Variants in RNF150 observed in about 807,000 individuals in gnomAD.
RNF150 encodes the protein ring finger protein 150.
A neutral mutation model predicts 39.3 loss-of-function variants in RNF150; 24 were observed. The observed-to-expected ratio is 0.61, with a 90% CI of 0.44 to 0.86. The LOEUF (loss-of-function observed/expected upper bound fraction) is 0.86, where lower values mean the gene tolerates loss of function less well. RNF150 is among the 40% of genes least tolerant of loss of function. The probability of loss-of-function intolerance (pLI) is 0.00; values close to 1 mark genes in which losing one functional copy is unlikely to be tolerated. For missense variants in RNF150, 502 were observed against 587.8 expected (o/e 0.85, Z 1.51); for synonymous variants, 255 against 227.3 (o/e 1.12, Z -1.10).
At chr4:140,962,124 G>A (rs58886600) in intron 2 of RNF150, among the ~76,000 whole-genome samples, 3 of 144,456 alleles carry the variant, frequency 2.1e-5, no homozygotes, top group Non-Finnish European at 3.1e-5. Flanking sequence ...ACACACACAC[G>A]TATATATGAA....
chr4:140,903,392 C>T (rs1162097397), intron 6 of RNF150, among the ~76,000 whole-genome samples: 2 of 152,210 alleles, frequency 1.3e-5, no homozygotes, highest in African/African-American at 4.8e-5. Context: ...GTATTTTCAG[C>T]TGCTCCTGCT....
At chr4:141,035,668 G>A (rs922610899) in intron 1 of RNF150, among the ~76,000 whole-genome samples, 1 of 152,138 alleles carries the variant, frequency 6.6e-6, no homozygotes, top group Non-Finnish European at 1.5e-5. Context: ...AAGCTTGTGA[G>A]TCTAAGTCCA....
At chr4:141,033,399 T>C (rs1456447574) in intron 1 of RNF150, among the ~76,000 whole-genome samples, 1 of 152,172 alleles carries the variant, frequency 6.6e-6, no homozygotes, top group African/African-American at 2.4e-5. Flanking sequence ...TATTTCCACA[T>C]CTGCAGTGAC....
chr4:141,107,601 A>T (rs184352470), intron 1 of RNF150, among the ~76,000 whole-genome samples: 8 of 152,262 alleles, frequency 5.3e-5, no homozygotes, highest in African/African-American at 1.9e-4. Flanking sequence ...TTCCTTTTGT[A>T]CATAATGGTG....
At chr4:141,131,852 T>C (rs989757573) in intron 1 of RNF150, among the ~76,000 whole-genome samples, 1 of 152,070 alleles carries the variant, frequency 6.6e-6, no homozygotes, top group Admixed American at 6.5e-5. Flanking sequence ...CTCTCCCAAG[T>C]GCAAGTTCGC....
chr4:140,945,535 TAA>T (rs1340913800), intron 4 of RNF150, among the ~76,000 whole-genome samples: 1 of 147,530 alleles, frequency 6.8e-6, no homozygotes. Flanking sequence ...TATATACATA[TAA>T]ATACATATAT....
chr4:140,886,551 T>A (rs963525351), intron 6 of RNF150, among the ~76,000 whole-genome samples: 6 of 152,240 alleles, frequency 3.9e-5, no homozygotes, highest in African/African-American at 1.4e-4. Context: ...ACATAGGTAT[T>A]GCAAATATTT....
chr4:140,955,793 T>C (rs917499921), intron 2 of RNF150, among the ~76,000 whole-genome samples: 2 of 152,208 alleles, frequency 1.3e-5, no homozygotes, highest in African/African-American at 4.8e-5. Context: ...CTCCTTTCCT[T>C]TCTGTTTCTC....
At chr4:141,005,596 A>G (rs1296521398) in intron 1 of RNF150, among the ~76,000 whole-genome samples, 1 of 152,078 alleles carries the variant, frequency 6.6e-6, no homozygotes, top group Non-Finnish European at 1.5e-5. Context: ...TATGCACTGC[A>G]CAAGTACTTA....
At chr4:141,130,469 T>C (rs190960151) in intron 1 of RNF150, among the ~76,000 whole-genome samples, 3 of 152,334 alleles carry the variant, frequency 2.0e-5, no homozygotes, top group Admixed American at 2.0e-4. Context: ...CCACTCCCAC[T>C]ATCTTAATCA....
chr4:141,044,416 T>C (rs954454594), intron 1 of RNF150, among the ~76,000 whole-genome samples: 4 of 152,124 alleles, frequency 2.6e-5, no homozygotes, highest in Non-Finnish European at 4.4e-5. Flanking sequence ...TGGGTCTACA[T>C]CAAAATCCTG....
rs1389451100 is a variant in RNF150 at position 140,865,498 on chromosome 4, G to A, written c.*2763C>T. 2 of 152,308 alleles carry A rather than the reference G, an allele frequency of 1.3e-5. No individual in the cohort carries two copies. The highest frequency in any genetic ancestry group is 2.9e-5 in the Non-Finnish European group (2 of 68,014). 9.4% of individuals were successfully genotyped at this position (152,308 alleles called of 1,614,324 possible). A position where few individuals can be genotyped will look rare whatever the true frequency, so the allele number is the denominator to read the frequency against. On this transcript the variant is annotated 3_prime_UTR_variant, in exon 7 of 7. Transcript: ENST00000515673. The stretch of plus-strand genomic sequence containing the variant: ...GGGAGGTAAAGAAGGCTATAAGGAA[G>A]GGCTGTTCCCCTTTCTTCTGAAAGA...
Position 141,033,593 on chromosome 4 carries a change from G to T in RNF150, c.485-65720C>A, listed in dbSNP as rs142556402. 2.6e-3 allele frequency among the ~76,000 whole-genome samples: 398 copies of T among 152,200 alleles called. 1 individual carries two copies. The highest frequency in any genetic ancestry group is 8.8e-3 in the African/African-American group (366 of 41,534). On this transcript the variant is annotated intron_variant, in intron 1 of 6. Coordinates refer to ENST00000515673, the MANE Select transcript of RNF150 (RefSeq NM_020724.2). Reference sequence around the variant, plus strand: ...TTGACTTCACCCACATCCATCAGAGGAATCACTGGGCAGCGATACCTTAAA... The same window carrying T: ...TTGACTTCACCCACATCCATCAGAGTAATCACTGGGCAGCGATACCTTAAA...
chr4:140,971,491 A>G (rs913336693), intron 1 of RNF150, among the ~76,000 whole-genome samples: 24 of 152,162 alleles, frequency 1.6e-4, no homozygotes, highest in Admixed American at 5.9e-4. Flanking sequence ...GCAAAATTAT[A>G]TCAGCCTACT....
intron 1 of RNF150, among the ~76,000 whole-genome samples, chr4:141,182,297 C>A (rs1727921102): frequency 1.1e-5 from 1 of 87,090 alleles, no homozygotes; most frequent in South Asian, 4.9e-4. Context: ...TCTCACCGCT[C>A]CTATTCAACA....
intron 6 of RNF150, among the ~76,000 whole-genome samples, chr4:140,880,161 AG>A (rs935562338): frequency 3.9e-5 from 6 of 152,090 alleles, no homozygotes; most frequent in African/African-American, 1.4e-4. Context: ...TCTTATGTTG[AG>A]GGAATTCTTT....
chr4:141,104,304 G>A (rs1739124933), intron 1 of RNF150, among the ~76,000 whole-genome samples: 1 of 152,122 alleles, frequency 6.6e-6, no homozygotes, highest in Non-Finnish European at 1.5e-5. Context: ...TAACCATAAA[G>A]AGCCATCTTC....
At chr4:141,048,095 G>A (rs1736647298) in intron 1 of RNF150, among the ~76,000 whole-genome samples, 3 of 152,162 alleles carry the variant, frequency 2.0e-5, no homozygotes, top group African/African-American at 2.4e-5. Flanking sequence ...GGTCCTCAAA[G>A]ATCCTGCCTA....
intron 1 of RNF150, among the ~76,000 whole-genome samples, chr4:141,155,418 A>G (rs1287754546): frequency 6.6e-6 from 1 of 152,112 alleles, no homozygotes; most frequent in African/African-American, 2.4e-5. Context: ...TTCCTTAAAA[A>G]GAGTTGCAGC....
Sources: allele counts gnomAD v4.1 joint callset (sites outside exome capture counted in the v4.1 genomes callset), GRCh38; gene constraint gnomAD v4.1.1; transcripts MANE v1.5; gene names NCBI Gene and HGNC (gene_info 2026-07-23, HGNC 2026-07-21).